The following ENOX1 variants were observed in gnomAD, a reference collection of about 807,000 sequenced individuals.
The protein encoded by ENOX1 is candidate growth-related and time keeping constitutive hydroquinone (NADH) oxidase.
In ENOX1, 42 loss-of-function variants were observed where a neutral mutation model predicts 82.5. That is an observed-to-expected ratio of 0.51 (90% CI 0.40 to 0.66). ENOX1 has a LOEUF of 0.66. Among genes scored for constraint, ENOX1 ranks in the 30% least tolerant of loss-of-function variants. The pLI is 0.00. For missense variants in ENOX1, 608 were observed against 811.6 expected (o/e 0.75, Z 3.05); for synonymous variants, 271 against 282.2 (o/e 0.96, Z 0.40).
In ENOX1 at chr13:43,445,412, T is replaced by C. The variant is rs187007487; in HGVS notation, c.-74-32424A>G. Among the ~76,000 whole-genome samples, 226 of 152,228 alleles carry C rather than the reference T, an allele frequency of 1.5e-3. 1 individual carries two copies. The highest frequency in any genetic ancestry group is 3.4e-3 in the Middle Eastern group (1 of 294). On this transcript the variant is annotated intron_variant, in intron 3 of 16. Transcript: ENST00000690772. ...TGCTGGGATTACAGGTGTGAGCCAC[T>C]GCCCCCGGCCCACTTTCTGGGTCTT...
chr13:43,362,038 A>C (rs1374071970), intron 5 of ENOX1, among the ~76,000 whole-genome samples: 1 of 151,794 alleles, frequency 6.6e-6, no homozygotes, highest in Non-Finnish European at 1.5e-5. Context: ...GGTTAGATAC[A>C]TGCAGGCATA....
At chr13:43,604,727 C>T (rs527656246) in intron 2 of ENOX1, among the ~76,000 whole-genome samples, 1 of 152,194 alleles carries the variant, frequency 6.6e-6, no homozygotes, top group African/African-American at 2.4e-5. Flanking sequence ...ACATCAATGC[C>T]CACTTTCACC....
chr13:43,227,752 TA>T (rs1313994327), intron 15 of ENOX1, among the ~76,000 whole-genome samples: 6 of 152,216 alleles, frequency 3.9e-5, no homozygotes, highest in Non-Finnish European at 8.8e-5. Flanking sequence ...TAGCTGATAT[TA>T]AGAAGCCATT....
intron 1 of ENOX1, among the ~76,000 whole-genome samples, chr13:43,782,394 G>A (rs1189503414): frequency 1.3e-5 from 2 of 152,066 alleles, no homozygotes; most frequent in Non-Finnish European, 2.9e-5. Context: ...CCAGACAGTG[G>A]AAAATAGATT....
At chr13:43,222,261 T>C (rs2041827014) in intron 16 of ENOX1, among the ~76,000 whole-genome samples, 1 of 151,998 alleles carries the variant, frequency 6.6e-6, no homozygotes, top group Non-Finnish European at 1.5e-5. Flanking sequence ...GTCACAAATC[T>C]TACCTGAGCC....
intron 12 of ENOX1, among the ~76,000 whole-genome samples, chr13:43,271,090 C>G (rs1225313936): frequency 6.6e-6 from 1 of 152,182 alleles, no homozygotes; most frequent in African/African-American, 2.4e-5. Flanking sequence ...AATTTTACTT[C>G]ATGAGACGAT....
intron 2 of ENOX1, among the ~76,000 whole-genome samples, chr13:43,594,092 T>A (rs1344657289): frequency 6.6e-6 from 1 of 152,192 alleles, no homozygotes; most frequent in Non-Finnish European, 1.5e-5. Flanking sequence ...GCACAGATAC[T>A]TCCCTTCTAA....
intron 12 of ENOX1, among the ~76,000 whole-genome samples, chr13:43,298,094 T>G (rs1053223361): frequency 1.3e-5 from 2 of 152,226 alleles, no homozygotes; most frequent in Non-Finnish European, 2.9e-5. Context: ...CCTTTCAATC[T>G]CCTAAATCCA....
chr13:43,236,778 T>C (rs2042573020), intron 14 of ENOX1, 40 bp from the exon 15 acceptor site: 1 of 1,243,566 alleles, frequency 8.0e-7, no homozygotes. Flanking sequence ...TGGGTTTATG[T>C]AGATTCTGTG....
intron 8 of ENOX1, among the ~76,000 whole-genome samples, chr13:43,351,793 A>G (rs1283874126): frequency 2.0e-5 from 3 of 151,618 alleles, no homozygotes; most frequent in South Asian, 2.1e-4. Flanking sequence ...TCCATGGTGT[A>G]TATGTGCCAC....
At chr13:43,224,270 C>T (rs1037023) in intron 15 of ENOX1, 132 bp from the exon 16 acceptor site, 557,905 of 675,238 alleles carry the variant, frequency 0.83, 231,376 homozygotes, top group South Asian at 0.87. Flanking sequence ...CAGCACTCAA[C>T]AAGCATTCAA....
intron 3 of ENOX1, among the ~76,000 whole-genome samples, chr13:43,483,635 A>G (rs181336240): frequency 2.0e-5 from 3 of 152,344 alleles, no homozygotes; most frequent in Admixed American, 6.5e-5. Flanking sequence ...CAACGTTTCA[A>G]AATATAATTT....
chr13:43,537,944 C>G (rs887093044), intron 2 of ENOX1, among the ~76,000 whole-genome samples: 3 of 152,342 alleles, frequency 2.0e-5, no homozygotes, highest in Admixed American at 6.5e-5. Context: ...AGACATCCTA[C>G]AGGGTACTTA....
intron 1 of ENOX1, among the ~76,000 whole-genome samples, chr13:43,785,434 T>C (rs76348938): frequency 0.15 from 22,801 of 152,204 alleles, 1,758 homozygotes; most frequent in Middle Eastern, 0.18. Context: ...GACTCAAATC[T>C]GCAGCCCAGT....
chr13:43,724,043 C>T (rs571136833), intron 1 of ENOX1, among the ~76,000 whole-genome samples: 1 of 152,286 alleles, frequency 6.6e-6, no homozygotes, highest in East Asian at 1.9e-4. Flanking sequence ...GCCTCAAACA[C>T]AGTAGAAAAA....
rs60810191 is a variant in ENOX1, at chr13:43,702,953, CAAAAAAAAAAAAAAAAAAA to C, written c.-284-35428_-284-35410del. On this transcript the variant is annotated intron_variant, in intron 1 of 16. Coordinates refer to ENST00000690772, the MANE Select transcript of ENOX1 (RefSeq NM_001347969.2). The stretch of plus-strand genomic sequence containing the variant: ...GGGCAACAAGAGTGAGACTCTGTCT[CAAAAAAAAAAAAAAAAAAA>C]AAAAAAAAAAAGTTTGAGGAAGCCC... 2.7e-3 allele frequency among the ~76,000 whole-genome samples: 138 copies of C among 51,046 alleles called. 2 individuals carry two copies. The highest frequency in any genetic ancestry group is 0.01 in the African/African-American group (124 of 12,368). The allele number at this position is 51,046 out of a possible 152,430, so 33.5% of individuals were successfully genotyped here. A position where few individuals can be genotyped will look rare whatever the true frequency, so the allele number is the denominator to read the frequency against.
intron 2 of ENOX1, among the ~76,000 whole-genome samples, chr13:43,618,977 A>ATTTTT (rs56048836): frequency 1.6e-3 from 184 of 116,916 alleles, no homozygotes; most frequent in African/African-American, 5.5e-3. Flanking sequence ...ATAGTCCTAA[A>ATTTTT]TTTTTTTTTT....
intron 1 of ENOX1, among the ~76,000 whole-genome samples, chr13:43,733,524 G>C (rs1421363002): frequency 6.6e-6 from 1 of 152,148 alleles, no homozygotes; most frequent in Non-Finnish European, 1.5e-5. Context: ...TTGTCTGAAT[G>C]CTCCATAGAA....
intron 2 of ENOX1, among the ~76,000 whole-genome samples, chr13:43,552,356 A>G (rs2079235844): frequency 6.6e-6 from 1 of 151,698 alleles, no homozygotes; most frequent in Non-Finnish European, 1.5e-5. Flanking sequence ...TAAAAAAAAA[A>G]AAAAAAAGAA....
Sources: allele counts gnomAD v4.1 joint callset (sites outside exome capture counted in the v4.1 genomes callset), GRCh38; gene constraint gnomAD v4.1.1; transcripts MANE v1.5; gene names NCBI Gene and HGNC (gene_info 2026-07-23, HGNC 2026-07-21).